ARMC3: variants seen among roughly 807,000 people sequenced by gnomAD.
The protein encoded by ARMC3 is armadillo repeat containing 3.
In ARMC3, 74 loss-of-function variants were observed where a neutral mutation model predicts 90.3. The observed-to-expected ratio is 0.82, with a 90% CI of 0.68 to 0.99. The LOEUF (loss-of-function observed/expected upper bound fraction) is 0.99. ARMC3 is among the 50% of genes least tolerant of loss of function. ARMC3 has a pLI of 0.00. For missense variants in ARMC3, 958 were observed against 1,042.8 expected (o/e 0.92, Z 1.12); for synonymous variants, 334 against 361.8 (o/e 0.92, Z 0.87).
At chr10:23,003,496 A>G in intron 13 of ARMC3, 82 bp downstream of exon 13, 3 of 1,076,646 alleles carry the variant, frequency 2.8e-6, no homozygotes, top group Non-Finnish European at 2.6e-6. Context: ...TTGCCATTTC[A>G]TCATCACCTA....
chr10:23,025,742 G>A (rs1838692825), intron 16 of ARMC3, among the ~76,000 whole-genome samples: 1 of 151,628 alleles, frequency 6.6e-6, no homozygotes, highest in Non-Finnish European at 1.5e-5. Context: ...AAATAATAAA[G>A]GTAAGAAATC....
intron 2 of ARMC3, among the ~76,000 whole-genome samples, chr10:22,943,846 A>C (rs1834416248): frequency 6.6e-6 from 1 of 151,972 alleles, no homozygotes; most frequent in Admixed American, 6.6e-5. Context: ...GGCAGAGAGA[A>C]TAGCTTGAAC....
chr10:22,964,644 T>C (rs1034259447), intron 7 of ARMC3, among the ~76,000 whole-genome samples: 3 of 152,074 alleles, frequency 2.0e-5, no homozygotes, highest in Non-Finnish European at 4.4e-5. Flanking sequence ...TTTCACCATG[T>C]TGGCCAGGCT....
chr10:23,017,426 C>A (rs1838322844), intron 16 of ARMC3, among the ~76,000 whole-genome samples: 1 of 152,172 alleles, frequency 6.6e-6, no homozygotes, highest in African/African-American at 2.4e-5. Context: ...CCCAAACCCC[C>A]TAATTTACTG....
chr10:22,985,504 T>C (rs1836381110), intron 10 of ARMC3, among the ~76,000 whole-genome samples: 1 of 152,188 alleles, frequency 6.6e-6, no homozygotes, highest in South Asian at 2.1e-4. Flanking sequence ...AATCCTTCCT[T>C]TCTGTCCATG....
In ARMC3 at chr10:23,006,874, T is replaced by A. The variant is rs968422101; in HGVS notation, c.1732-10T>A. 6.2e-7 allele frequency: 1 copy of A among 1,613,446 alleles called. No homozygotes were observed. The highest frequency in any genetic ancestry group is 1.3e-5 in the African/African-American group (1 of 74,920). On this transcript the variant is annotated splice_polypyrimidine_tract_variant and intron_variant, in intron 13 of 18. Coordinates refer to ENST00000298032, the MANE Select transcript of ARMC3 (RefSeq NM_173081.5). ...AGATACTACTTTTTGGTCCTTAAAT[T>A]ATCTCACAGATAAATCCCGGCACCA...
At position 23,014,196 on chromosome 10, in the gene ARMC3, C is replaced by A. The variant is rs960675066; in HGVS notation, c.2045+5265C>A. The A allele has an allele frequency of 8.4e-6, 13 of 1,546,768 alleles. No homozygotes were observed. In the South Asian group the frequency reaches 1.4e-4, roughly 17 times the overall value. ...ACAGAGACTTTGGATTCAGACACAA[C>A]TGGGCCTTGGTCTTCTGAATTGTAA... On this transcript the variant is annotated intron_variant, in intron 16 of 18. Coordinates refer to ENST00000298032, the MANE Select transcript of ARMC3 (RefSeq NM_173081.5).
chr10:23,020,645 A>G (rs1222073065), intron 16 of ARMC3, among the ~76,000 whole-genome samples: 1 of 152,176 alleles, frequency 6.6e-6, no homozygotes, highest in Non-Finnish European at 1.5e-5. Flanking sequence ...TAATATGTAA[A>G]TAGTGGTATC....
intron 8 of ARMC3, among the ~76,000 whole-genome samples, chr10:22,977,271 G>A (rs755969619): frequency 8.5e-5 from 13 of 152,076 alleles, no homozygotes; most frequent in Admixed American, 3.9e-4. Flanking sequence ...CTGCTTCCTC[G>A]TGCTGTAACC....
chr10:22,949,864 T>A lies in ARMC3; in HGVS notation c.166+3603T>A, dbSNP rs567689126. Among the ~76,000 whole-genome samples the A allele has an allele frequency of 2.0e-5, 3 of 152,078 alleles. No individual in the cohort carries two copies. In the South Asian group the frequency reaches 6.2e-4, roughly 32 times the overall value. On this transcript the variant is annotated intron_variant, in intron 3 of 18. Coordinates refer to ENST00000298032, the MANE Select transcript of ARMC3 (RefSeq NM_173081.5). ...GAGAAAATCTTAAAAGAAGCCAGAATCAGTAAAAACATGTTACATTCAAAT... is the reference window on the plus strand; with the variant it reads ...GAGAAAATCTTAAAAGAAGCCAGAAACAGTAAAAACATGTTACATTCAAAT...
intron 16 of ARMC3, among the ~76,000 whole-genome samples, chr10:23,021,196 T>A (rs1838498836): frequency 6.6e-6 from 1 of 152,248 alleles, no homozygotes; most frequent in African/African-American, 2.4e-5. Context: ...ACGACATTTT[T>A]AAAAATCAAG....
At chr10:22,952,257 G>A (rs970388536) in intron 3 of ARMC3, among the ~76,000 whole-genome samples, 1 of 152,080 alleles carries the variant, frequency 6.6e-6, no homozygotes, top group Non-Finnish European at 1.5e-5. Context: ...ATGAAAAGCT[G>A]CTTTTTGAGA....
chr10:22,973,071 A>T (rs1835744917), intron 8 of ARMC3, among the ~76,000 whole-genome samples: 1 of 152,018 alleles, frequency 6.6e-6, no homozygotes, highest in Non-Finnish European at 1.5e-5. Flanking sequence ...AGGTGGGAAG[A>T]TCACTTGACA....
intron 2 of ARMC3, among the ~76,000 whole-genome samples, chr10:22,934,845 C>T (rs1377381186): frequency 1.3e-5 from 2 of 152,158 alleles, no homozygotes; most frequent in African/African-American, 4.8e-5. Context: ...TGCTGTTCAT[C>T]ATTCTACAGA....
chr10:22,951,767 A>G (rs1834748377), intron 3 of ARMC3, among the ~76,000 whole-genome samples: 1 of 152,226 alleles, frequency 6.6e-6, no homozygotes. Flanking sequence ...TTATTGCACT[A>G]AATGCCTATA....
At chr10:23,012,533 A>G (rs1411226978) in intron 16 of ARMC3, among the ~76,000 whole-genome samples, 1 of 151,986 alleles carries the variant, frequency 6.6e-6, no homozygotes. Context: ...CTTAAGTTCA[A>G]TATGTTCCAA....
intron 16 of ARMC3, among the ~76,000 whole-genome samples, chr10:23,010,863 G>C (rs145270082): frequency 0.65 from 39,171 of 60,458 alleles, 13,876 homozygotes; most frequent in Non-Finnish European, 0.74. Context: ...TCCTTCCCTT[G>C]CCTCTCCTCT....
At chr10:22,934,804 A>G (rs1450729677) in intron 2 of ARMC3, among the ~76,000 whole-genome samples, 1 of 152,162 alleles carries the variant, frequency 6.6e-6, no homozygotes, top group Non-Finnish European at 1.5e-5. Context: ...AGCTTGGTAG[A>G]TGTTATTATT....
At chr10:22,967,249 A>T (rs1327932073) in intron 7 of ARMC3, among the ~76,000 whole-genome samples, 1 of 152,140 alleles carries the variant, frequency 6.6e-6, no homozygotes, top group Non-Finnish European at 1.5e-5. Flanking sequence ...GTCTGTTTTA[A>T]ACATTAATCT....
Sources: gnomAD v4.1 joint callset for allele counts (sites outside exome capture counted in the v4.1 genomes callset) on GRCh38, gnomAD v4.1.1 for gene constraint, MANE v1.5 for transcripts, NCBI Gene and HGNC (gene_info 2026-07-23, HGNC 2026-07-21) for gene names.